RAP1GAP2: variants seen among roughly 807,000 people sequenced by gnomAD.
The protein encoded by RAP1GAP2 is RAP1 GTPase activating protein 2, also known as rap1 GTPase-activating protein 2.
A neutral mutation model predicts 95.0 loss-of-function variants in RAP1GAP2; 27 were observed. The observed-to-expected ratio is 0.28, with a 90% CI of 0.21 to 0.39. The LOEUF is 0.39. Among genes scored for constraint, RAP1GAP2 ranks in the 10% least tolerant of loss-of-function variants. The probability of loss-of-function intolerance (pLI) is 1.00; values close to 1 mark genes in which losing one functional copy is unlikely to be tolerated. For synonymous variants in RAP1GAP2, 373 were observed against 380.9 expected, an observed-to-expected ratio of 0.98 and a Z score of 0.24; for missense variants, 771 against 970.0, an observed-to-expected ratio of 0.79 and a Z score of 2.72.
intron 3 of RAP1GAP2, among the ~76,000 whole-genome samples, chr17:2,936,209 A>C: frequency 1.4e-5 from 2 of 146,364 alleles, no homozygotes; most frequent in East Asian, 2.1e-4. Context: ...TGCACCCATT[A>C]ACTCGTCATT....
chr17:2,890,847 G>A (rs1485473922), intron 2 of RAP1GAP2, among the ~76,000 whole-genome samples: 12 of 151,618 alleles, frequency 7.9e-5, no homozygotes, highest in Admixed American at 7.9e-4. Flanking sequence ...ACCACGCCCG[G>A]CTAATTTTTT....
intron 3 of RAP1GAP2, among the ~76,000 whole-genome samples, chr17:2,939,130 G>A (rs1476444193): frequency 1.3e-5 from 2 of 151,772 alleles, no homozygotes; most frequent in East Asian, 1.9e-4. Context: ...CTGCTGTGTC[G>A]CCCAGGCTGG....
At chr17:2,821,601 T>C (rs902648632) in intron 2 of RAP1GAP2, among the ~76,000 whole-genome samples, 1 of 151,748 alleles carries the variant, frequency 6.6e-6, no homozygotes, top group East Asian at 1.9e-4. Flanking sequence ...TTTGAACTCC[T>C]GGTCTCAAGC....
At chr17:2,839,172 G>A (rs149175463) in intron 2 of RAP1GAP2, among the ~76,000 whole-genome samples, 212 of 152,000 alleles carry the variant, frequency 1.4e-3, no homozygotes, top group African/African-American at 5.0e-3. Flanking sequence ...ACATGGTGGC[G>A]GACGCCTGTA....
chr17:2,989,342 C>CT, intron 11 of RAP1GAP2, among the ~76,000 whole-genome samples: 1 of 151,736 alleles, frequency 6.6e-6, no homozygotes, highest in Admixed American at 6.6e-5. Context: ...CTGTTCATGT[C>CT]TTTTTTTTGA....
At chr17:2,818,721 C>A (rs1383896000) in intron 2 of RAP1GAP2, among the ~76,000 whole-genome samples, 11 of 152,146 alleles carry the variant, frequency 7.2e-5, no homozygotes. Context: ...TACCTGACAT[C>A]CTTTTGAATT....
intron 2 of RAP1GAP2, among the ~76,000 whole-genome samples, chr17:2,808,328 C>T (rs995902403): frequency 6.6e-6 from 1 of 152,118 alleles, no homozygotes; most frequent in African/African-American, 2.4e-5. Flanking sequence ...CCTGTGAGCG[C>T]TGGGTGGATG....
At chr17:2,877,287 C>T (rs1191090027) in intron 2 of RAP1GAP2, among the ~76,000 whole-genome samples, 1 of 152,322 alleles carries the variant, frequency 6.6e-6, no homozygotes, top group Non-Finnish European at 1.5e-5. Context: ...ATCTCCACCA[C>T]GGTCTTTTGA....
intron 2 of RAP1GAP2, among the ~76,000 whole-genome samples, chr17:2,875,837 G>A (rs2073071807): frequency 6.6e-6 from 1 of 151,986 alleles, no homozygotes; most frequent in African/African-American, 2.4e-5. Context: ...GTTCTTCCAA[G>A]CTGAACGTGT....
chr17:2,953,537 A>G (rs1181829879), intron 3 of RAP1GAP2, among the ~76,000 whole-genome samples: 3 of 152,180 alleles, frequency 2.0e-5, no homozygotes, highest in Non-Finnish European at 4.4e-5. Context: ...TACGTATCAT[A>G]AAGTCACCCA....
chr17:2,828,395 A>G (rs1261695354), intron 2 of RAP1GAP2, among the ~76,000 whole-genome samples: 1 of 151,164 alleles, frequency 6.6e-6, no homozygotes. Context: ...ATGCCCAGTG[A>G]CTTACCCTAA....
intron 3 of RAP1GAP2, among the ~76,000 whole-genome samples, chr17:2,923,041 ATT>A (rs35642475): frequency 6.2e-4 from 77 of 124,694 alleles, no homozygotes; most frequent in Admixed American, 9.9e-4. Context: ...ACACCTGGCT[ATT>A]TTTTTTTTTT....
intron 2 of RAP1GAP2, among the ~76,000 whole-genome samples, chr17:2,815,763 C>T (rs561043761): frequency 2.6e-5 from 4 of 152,164 alleles, no homozygotes; most frequent in Admixed American, 6.5e-5. Context: ...ATTACAGGCG[C>T]GAGCCACCGC....
At position 2,900,719 on chromosome 17, in the gene RAP1GAP2, GGTGAGAGCCACCT is replaced by G. The variant is rs140297134; in HGVS notation, c.81-4564_81-4552del. On this transcript the variant is annotated intron_variant, in intron 2 of 24. Coordinates refer to ENST00000254695, the MANE Select transcript of RAP1GAP2 (RefSeq NM_015085.5). ...TGCCTCCCAAAGTGCTGGGATTACA[GGTGAGAGCCACCT>G]CTCCCAGCCACAGCTATTATTTTTA... 5.5e-3 allele frequency among the ~76,000 whole-genome samples: 832 copies of G among 152,306 alleles called. 8 individuals are homozygous for G. The highest frequency in any genetic ancestry group is 0.019 in the African/African-American group (803 of 41,564).
intron 3 of RAP1GAP2, among the ~76,000 whole-genome samples, chr17:2,953,049 G>T (rs1010420937): frequency 1.3e-5 from 2 of 151,808 alleles, no homozygotes; most frequent in Non-Finnish European, 2.9e-5. Flanking sequence ...CATGTGGTCT[G>T]CCCGCCTCAG....
chr17:2,894,418 A>G (rs1479960467), intron 2 of RAP1GAP2, among the ~76,000 whole-genome samples: 1 of 152,174 alleles, frequency 6.6e-6, no homozygotes, highest in East Asian at 1.9e-4. Flanking sequence ...TGACAGAGCG[A>G]GACTCCGTTT....
chr17:2,900,051 G>A (rs2041973810), intron 2 of RAP1GAP2, among the ~76,000 whole-genome samples: 1 of 152,208 alleles, frequency 6.6e-6, no homozygotes, highest in Non-Finnish European at 1.5e-5. Flanking sequence ...TGGAAAGCAA[G>A]AGAAAGCGTA....
chr17:2,763,960 G>A (rs1480050898), intron 1 of RAP1GAP2, among the ~76,000 whole-genome samples: 3 of 152,036 alleles, frequency 2.0e-5, no homozygotes, highest in Admixed American at 6.6e-5. Context: ...TGTGATGTGT[G>A]GTCTGTCAGC....
At chr17:2,826,727 G>A (rs2070582324) in intron 2 of RAP1GAP2, among the ~76,000 whole-genome samples, 1 of 152,160 alleles carries the variant, frequency 6.6e-6, no homozygotes, top group Non-Finnish European at 1.5e-5. Context: ...AGGATTTCCG[G>A]CCGGGCGCGG....
Sources: allele counts gnomAD v4.1 joint callset (sites outside exome capture counted in the v4.1 genomes callset), GRCh38; gene constraint gnomAD v4.1.1; transcripts MANE v1.5; gene names NCBI Gene and HGNC (gene_info 2026-07-23, HGNC 2026-07-21).